The following HS3ST5 variants were observed in gnomAD, a reference collection of about 807,000 sequenced individuals.
HS3ST5 encodes heparan sulfate-glucosamine 3-sulfotransferase 5, also known as heparan sulfate glucosamine 3-O-sulfotransferase 5.
In HS3ST5, 10 loss-of-function variants were observed where a neutral mutation model predicts 25.4. The ratio of observed to expected loss-of-function variants is 0.39; its 90% CI spans 0.24 to 0.67. The LOEUF is 0.67. Among genes scored for constraint, HS3ST5 ranks in the 30% least tolerant of loss-of-function variants. The pLI is 0.44. For missense variants in HS3ST5, 324 were observed against 420.7 expected (o/e 0.77, Z 2.01); for synonymous variants, 170 against 162.4 (o/e 1.05, Z -0.36).
At chr6:114,232,321 G>C (rs763143972) in intron 1 of HS3ST5, among the ~76,000 whole-genome samples, 1 of 152,010 alleles carries the variant, frequency 6.6e-6, no homozygotes, top group Non-Finnish European at 1.5e-5. Context: ...TTTATCTTTA[G>C]CTTAACACTT....
At chr6:114,215,982 AT>A (rs1240283758) in intron 2 of HS3ST5, among the ~76,000 whole-genome samples, 2 of 152,172 alleles carry the variant, frequency 1.3e-5, no homozygotes, top group East Asian at 1.9e-4. Context: ...ACTGCATCAT[AT>A]TCTGATCTTT....
intron 1 of HS3ST5, among the ~76,000 whole-genome samples, chr6:114,256,258 G>T (rs974864516): frequency 6.6e-6 from 1 of 151,832 alleles, no homozygotes; most frequent in Non-Finnish European, 1.5e-5. Flanking sequence ...CGTGGTGGTG[G>T]GCGCCTGTAG....
At chr6:114,253,679 T>C (rs537768875) in intron 1 of HS3ST5, among the ~76,000 whole-genome samples, 1 of 152,270 alleles carries the variant, frequency 6.6e-6, no homozygotes, top group African/African-American at 2.4e-5. Flanking sequence ...CCACCGAAAA[T>C]GTTCACACAA....
At chr6:114,176,430 T>C (rs1466641939) in intron 2 of HS3ST5, among the ~76,000 whole-genome samples, 1 of 152,196 alleles carries the variant, frequency 6.6e-6, no homozygotes, top group Non-Finnish European at 1.5e-5. Context: ...TAAAAATGGG[T>C]ACCTTGTAGG....
At chr6:114,080,956 A>G (rs1326963146) in intron 3 of HS3ST5, among the ~76,000 whole-genome samples, 1 of 152,194 alleles carries the variant, frequency 6.6e-6, no homozygotes, top group Non-Finnish European at 1.5e-5. Flanking sequence ...AACAAAAGTA[A>G]TAAAAAATAA....
In HS3ST5 at chr6:114,259,756, A is replaced by G. The variant is rs1773086628; in HGVS notation, c.-338-30978T>C. Among the ~76,000 whole-genome samples the G allele has an allele frequency of 2.0e-5, 3 of 152,320 alleles. No individual in the cohort carries two copies. In the South Asian group the frequency reaches 6.2e-4, roughly 32 times the overall value. Reference sequence around the variant, plus strand: ...CCTAAATACATATATACAGATACAGAAGAGATATAGATGTAGACATAGAAA... The same window carrying G: ...CCTAAATACATATATACAGATACAGGAGAGATATAGATGTAGACATAGAAA... On this transcript the variant is annotated intron_variant, in intron 1 of 4. Transcript: ENST00000312719.
chr6:114,095,161 C>T (rs2114804684), intron 3 of HS3ST5, among the ~76,000 whole-genome samples: 1 of 152,320 alleles, frequency 6.6e-6, no homozygotes, highest in East Asian at 1.9e-4. Flanking sequence ...GAATTTGTAA[C>T]ACAGCATAGA....
chr6:114,152,891 T>A (rs930612727), intron 3 of HS3ST5, among the ~76,000 whole-genome samples: 4 of 152,218 alleles, frequency 2.6e-5, no homozygotes, highest in African/African-American at 9.6e-5. Context: ...TTATCTTGAA[T>A]GATTGGCTCC....
intron 3 of HS3ST5, among the ~76,000 whole-genome samples, chr6:114,120,121 G>A (rs1383369691): frequency 6.6e-6 from 1 of 152,074 alleles, no homozygotes; most frequent in African/African-American, 2.4e-5. Context: ...CTCTAGCCTG[G>A]GTGATAGAGC....
chr6:114,210,301 C>G (rs898366892), intron 2 of HS3ST5, among the ~76,000 whole-genome samples: 1 of 152,060 alleles, frequency 6.6e-6, no homozygotes, highest in Non-Finnish European at 1.5e-5. Context: ...TAGACTTGCA[C>G]CTCAATTATA....
At chr6:114,333,852 T>C (rs1009908648) in intron 1 of HS3ST5, among the ~76,000 whole-genome samples, 1 of 152,148 alleles carries the variant, frequency 6.6e-6, no homozygotes, top group Non-Finnish European at 1.5e-5. Flanking sequence ...CAGAGCTAAG[T>C]TGGTATCACA....
At chr6:114,233,147 T>A (rs1046782124) in intron 1 of HS3ST5, among the ~76,000 whole-genome samples, 2 of 152,066 alleles carry the variant, frequency 1.3e-5, no homozygotes, top group Non-Finnish European at 2.9e-5. Flanking sequence ...GTTGAATGAA[T>A]GAACAATTAC....
chr6:114,155,472 A>G (rs1778657745), intron 3 of HS3ST5, among the ~76,000 whole-genome samples: 1 of 152,198 alleles, frequency 6.6e-6, no homozygotes, highest in Non-Finnish European at 1.5e-5. Flanking sequence ...CTCTAGTTCC[A>G]CCAGGCTGCT....
At chr6:114,271,654 C>A (rs1274846017) in intron 1 of HS3ST5, among the ~76,000 whole-genome samples, 1 of 152,032 alleles carries the variant, frequency 6.6e-6, no homozygotes, top group African/African-American at 2.4e-5. Flanking sequence ...AAATTTTCCT[C>A]AATTTTATCC....
At chr6:114,143,274 A>G (rs780620511) in intron 3 of HS3ST5, among the ~76,000 whole-genome samples, 1 of 152,248 alleles carries the variant, frequency 6.6e-6, no homozygotes, top group Non-Finnish European at 1.5e-5. Flanking sequence ...GTTAATATCC[A>G]TAAAGTATGA....
chr6:114,312,106 T>G (rs552114412), intron 1 of HS3ST5, among the ~76,000 whole-genome samples: 164 of 152,346 alleles, frequency 1.1e-3, no homozygotes, highest in Non-Finnish European at 2.0e-3. Context: ...TACATATATT[T>G]AGACTAATAC....
intron 3 of HS3ST5, among the ~76,000 whole-genome samples, chr6:114,146,290 A>G (rs1476774980): frequency 6.6e-6 from 1 of 152,232 alleles, no homozygotes; most frequent in Non-Finnish European, 1.5e-5. Flanking sequence ...AAAGGTAGTC[A>G]ACTTTGTTCC....
intron 3 of HS3ST5, among the ~76,000 whole-genome samples, chr6:114,122,785 G>C (rs1478604158): frequency 6.6e-6 from 1 of 152,134 alleles, no homozygotes; most frequent in Non-Finnish European, 1.5e-5. Flanking sequence ...GGAACACAGG[G>C]ATGACTTGTA....
At chr6:114,137,223 T>TC (rs1021840847) in intron 3 of HS3ST5, among the ~76,000 whole-genome samples, 32 of 152,076 alleles carry the variant, frequency 2.1e-4, no homozygotes, top group South Asian at 1.5e-3. Context: ...CAATTTCTTC[T>TC]CCCCCCCGCA....
Sources: gnomAD v4.1 joint callset for allele counts (sites outside exome capture counted in the v4.1 genomes callset) on GRCh38, gnomAD v4.1.1 for gene constraint, MANE v1.5 for transcripts, NCBI Gene and HGNC (gene_info 2026-07-23, HGNC 2026-07-21) for gene names.